TXNDC8: variants seen among roughly 807,000 people sequenced by gnomAD.
TXNDC8 encodes the protein thioredoxin domain containing 8, also known as thioredoxin domain-containing protein 8.
Under a neutral mutation model 12.9 loss-of-function variants are expected in TXNDC8, and 15 were observed. The ratio of observed to expected loss-of-function variants is 1.16; its 90% CI spans 0.78 to 1.79. The LOEUF (loss-of-function observed/expected upper bound fraction) is 1.79. TXNDC8 is among the 40% of genes most tolerant of loss of function. The pLI, the probability that TXNDC8 is intolerant of heterozygous loss-of-function variation, is 0.00. For synonymous variants in TXNDC8, 40 were observed against 35.4 expected, an observed-to-expected ratio of 1.13 and a Z score of -0.46; for missense variants, 128 against 113.2, an observed-to-expected ratio of 1.13 and a Z score of -0.59.
chr9:110,307,897 G>C (rs573479212), intron 3 of TXNDC8, among the ~76,000 whole-genome samples: 43 of 152,250 alleles, frequency 2.8e-4, no homozygotes, highest in Middle Eastern at 6.8e-3. Flanking sequence ...TAACCGTCTT[G>C]GGCACATAGC....
chr9:110,322,709 A>G lies in TXNDC8; in HGVS notation c.195+3466T>C, dbSNP rs1027333246. ...GCAGCAGGAATAAAACCAGAAAATT[A>G]TACTGAACTGGAGAGAAACTTGCCC... On this transcript the variant is annotated intron_variant, in intron 3 of 4. Coordinates refer to ENST00000423740, the MANE Select transcript of TXNDC8 (RefSeq NM_001286946.2). 6 of 985,514 alleles carry G rather than the reference A, an allele frequency of 6.1e-6. No individual in the cohort carries two copies. In the African/African-American group the frequency reaches 7.0e-5, roughly 11 times the overall value. 61.0% of individuals were successfully genotyped at this position (985,514 alleles called of 1,614,324 possible). A position where few individuals can be genotyped will look rare whatever the true frequency, so the allele number is the denominator to read the frequency against.
intron 2 of TXNDC8, chr9:110,329,291 C>A (rs1419518335): frequency 1.2e-6 from 2 of 1,603,224 alleles, no homozygotes; most frequent in African/African-American, 1.3e-5. Flanking sequence ...ACAGACATAG[C>A]CTTCAAAATA....
intron 3 of TXNDC8, among the ~76,000 whole-genome samples, chr9:110,312,770 T>C (rs1838737391): frequency 6.6e-6 from 1 of 152,232 alleles, no homozygotes; most frequent in Admixed American, 6.5e-5. Flanking sequence ...AATGGGAACC[T>C]GGAGAGAGAA....
chr9:110,333,054 A>G (rs996126792), intron 2 of TXNDC8, among the ~76,000 whole-genome samples: 7 of 152,238 alleles, frequency 4.6e-5, no homozygotes, highest in Non-Finnish European at 7.3e-5. Flanking sequence ...AGCAGAAAAT[A>G]TAATGGAGGT....
At chr9:110,328,082 C>T (rs1016629587) in intron 2 of TXNDC8, among the ~76,000 whole-genome samples, 6 of 152,110 alleles carry the variant, frequency 3.9e-5, no homozygotes, top group South Asian at 2.1e-4. Context: ...ATTTTATCTT[C>T]GGTTAAGTGT....
chr9:110,311,525 A>AGG (rs1838665203), intron 3 of TXNDC8, among the ~76,000 whole-genome samples: 4 of 100,846 alleles, frequency 4.0e-5, no homozygotes, highest in African/African-American at 2.3e-4. Flanking sequence ...AAAGAGGTAT[A>AGG]TATATATATA....
At chr9:110,323,487 G>A (rs1387818425) in intron 3 of TXNDC8, 6 of 296,532 alleles carry the variant, frequency 2.0e-5, no homozygotes, top group Non-Finnish European at 3.0e-5. Flanking sequence ...AGAGAGGACA[G>A]AAAGATAAAT....
chr9:110,329,641 T>G (rs192701578), intron 2 of TXNDC8, among the ~76,000 whole-genome samples: 2 of 152,194 alleles, frequency 1.3e-5, no homozygotes, highest in South Asian at 2.1e-4. Flanking sequence ...GGGAGAGCAG[T>G]TGGGGGAGTC....
At chr9:110,315,679 G>C (rs1259983086) in intron 3 of TXNDC8, among the ~76,000 whole-genome samples, 2 of 148,288 alleles carry the variant, frequency 1.3e-5, no homozygotes, top group African/African-American at 5.0e-5. Flanking sequence ...GCTAATTTTT[G>C]TATTTTTTTT....
At chr9:110,328,302 G>A (rs1489148168) in intron 2 of TXNDC8, among the ~76,000 whole-genome samples, 1 of 152,154 alleles carries the variant, frequency 6.6e-6, no homozygotes, top group Non-Finnish European at 1.5e-5. Context: ...GAAACATTGT[G>A]TGTATTAATA....
At chr9:110,313,464 G>A (rs1838765140) in intron 3 of TXNDC8, among the ~76,000 whole-genome samples, 1 of 152,130 alleles carries the variant, frequency 6.6e-6, no homozygotes, top group Non-Finnish European at 1.5e-5. Context: ...ACTTTGGGAG[G>A]CTGACGTGGG....
In TXNDC8 at chr9:110,325,581, C is replaced by T. The variant is rs201916698; in HGVS notation, c.195+594G>A. Among the ~76,000 whole-genome samples the T allele has an allele frequency of 3.4e-4, 50 of 145,386 alleles. No individual in the cohort carries two copies. The East Asian group carries it at 9.3e-3, about 27-fold the overall frequency. ...GCCCAGGCTGGATGGAGTGCAGTGG[C>T]GCGATCTTGGCTCACTGCAAGCTCC... On this transcript the variant is annotated intron_variant, in intron 3 of 4. Coordinates refer to ENST00000423740, the MANE Select transcript of TXNDC8 (RefSeq NM_001286946.2).
At chr9:110,337,158 C>G (rs773712413) in intron 1 of TXNDC8, among the ~76,000 whole-genome samples, 1 of 152,174 alleles carries the variant, frequency 6.6e-6, no homozygotes, top group Non-Finnish European at 1.5e-5. Flanking sequence ...AGGCCCCAAA[C>G]CCCCTCCCCT....
chr9:110,321,691 G>T (rs975560348), intron 3 of TXNDC8, among the ~76,000 whole-genome samples: 2 of 147,934 alleles, frequency 1.4e-5, no homozygotes, highest in African/African-American at 5.0e-5. Context: ...GAAAACAGTG[G>T]ATGTTCACGG....
In TXNDC8 at chr9:110,303,657, T is replaced by G; in HGVS notation, c.*25A>C. 1 of 1,599,380 alleles carries G rather than the reference T, an allele frequency of 6.3e-7. No homozygotes were observed. Among genetic ancestry groups the G allele is most frequent in the Non-Finnish European group, 8.5e-7 (1 of 1,171,190 alleles). On this transcript the variant is annotated 3_prime_UTR_variant, in exon 5 of 5. Transcript: ENST00000423740. Reference sequence around the variant, plus strand: ...GAAAATGTTGAGGCTTTAAGGAATTTTATTCCTGATTGAAAAGTTAAATCC... The same window carrying G: ...GAAAATGTTGAGGCTTTAAGGAATTGTATTCCTGATTGAAAAGTTAAATCC...
intron 2 of TXNDC8, among the ~76,000 whole-genome samples, chr9:110,328,838 T>A (rs985699136): frequency 3.3e-5 from 5 of 152,006 alleles, no homozygotes; most frequent in African/African-American, 4.8e-5. Flanking sequence ...TGATTAACAA[T>A]CCATCACAGG....
chr9:110,327,955 G>A (rs1392333987), intron 2 of TXNDC8, among the ~76,000 whole-genome samples: 1 of 152,220 alleles, frequency 6.6e-6, no homozygotes, highest in African/African-American at 2.4e-5. Flanking sequence ...TATAGGTTAT[G>A]ATTCATCCTA....
chr9:110,313,052 C>G (rs1355283368), intron 3 of TXNDC8, among the ~76,000 whole-genome samples: 1 of 152,016 alleles, frequency 6.6e-6, no homozygotes, highest in Non-Finnish European at 1.5e-5. Flanking sequence ...ATTACAGATG[C>G]CCGCCACCTT....
At chr9:110,329,246 C>T in intron 2 of TXNDC8, 2 of 1,612,010 alleles carry the variant, frequency 1.2e-6, no homozygotes, top group Non-Finnish European at 1.7e-6. Context: ...GAATTGTTCA[C>T]ATCCACATTA....
Sources: allele counts gnomAD v4.1 joint callset (sites outside exome capture counted in the v4.1 genomes callset), GRCh38; gene constraint gnomAD v4.1.1; transcripts MANE v1.5; gene names NCBI Gene and HGNC (gene_info 2026-07-23, HGNC 2026-07-21).